UBAP1L: variants seen among roughly 807,000 people sequenced by gnomAD.
UBAP1L encodes the protein ubiquitin-associated protein 1-like.
Under a neutral mutation model 32.1 loss-of-function variants are expected in UBAP1L, and 32 were observed. That is an observed-to-expected ratio of 1.00 (90% CI 0.75 to 1.34). The LOEUF is 1.34. Among genes scored for constraint, UBAP1L ranks in the 40% most tolerant of loss-of-function variants. The probability of loss-of-function intolerance (pLI) is 0.00; values close to 1 mark genes in which losing one functional copy is unlikely to be tolerated. For synonymous variants in UBAP1L, 243 were observed against 250.2 expected, an observed-to-expected ratio of 0.97 and a Z score of 0.27; for missense variants, 516 against 540.5, an observed-to-expected ratio of 0.95 and a Z score of 0.45.
At chr15:65,110,233 C>T (rs1405411903) in intron 1 of UBAP1L, among the ~76,000 whole-genome samples, 1 of 151,582 alleles carries the variant, frequency 6.6e-6, no homozygotes, top group Admixed American at 6.6e-5. Context: ...GTGGTGCGTG[C>T]CTGTAGTCCC....
chr15:65,094,412 G>C lies in UBAP1L; in HGVS notation c.1011+63C>G. ...GAGGACTGGTGTGGCCCTGCACACC[G>C]GGCTCCTGGGTACACCCCCATCCCT... is the stretch of plus-strand genomic sequence containing the variant. On this transcript the variant is annotated intron_variant, in intron 5 of 5. Transcript: ENST00000559089. This position sits in a 1 kb window ranked among gnomAD's most constrained non-coding sequence, Gnocchi z 4.2. The C allele has an allele frequency of 1.6e-6, 2 of 1,240,860 alleles. No individual in the cohort carries two copies. The highest frequency in any genetic ancestry group is 2.8e-5 in the South Asian group (2 of 70,504). The allele number at this position is 1,240,860 out of a possible 1,614,324, so 76.9% of individuals were successfully genotyped here.
rs2087156978 is a variant in UBAP1L at position 65,094,845 on chromosome 15, G to A, written c.910-269C>T. ...GAAAAGGGCTGTCAGGGTGGGCTAGGGTGTTCATAGAACCTAGGTGGGGAG... is the reference window on the plus strand; with the variant it reads ...GAAAAGGGCTGTCAGGGTGGGCTAGAGTGTTCATAGAACCTAGGTGGGGAG... On this transcript the variant is annotated intron_variant, in intron 4 of 5. Transcript: ENST00000559089. This position sits in a 1 kb window ranked among gnomAD's most constrained non-coding sequence, Gnocchi z 4.2. The A allele has an allele frequency of 1.9e-6, 1 of 513,216 alleles. No individual in the cohort carries two copies. The highest frequency in any genetic ancestry group is 1.9e-5 in the African/African-American group (1 of 51,932). 31.8% of individuals were successfully genotyped at this position (513,216 alleles called of 1,614,324 possible).
At position 65,094,439 on chromosome 15, in the gene UBAP1L, C is replaced by T; in HGVS notation, c.1011+36G>A. 6.7e-7 allele frequency: 1 copy of T among 1,487,236 alleles called. No individual in the cohort carries two copies. The highest frequency in any genetic ancestry group is 2.5e-5 in the East Asian group (1 of 40,592). The allele number at this position is 1,487,236 out of a possible 1,614,324, so 92.1% of individuals were successfully genotyped here. On this transcript the variant is annotated intron_variant, in intron 5 of 5. Coordinates refer to ENST00000559089, the MANE Select transcript of UBAP1L (RefSeq NM_001163692.2). The surrounding 1 kb of genome is among the most constrained non-coding windows in gnomAD (Gnocchi z 4.2). ...GCTCCTGGGTACACCCCCATCCCTT[C>T]CATCCCCTGGGGCCCTGGCAGGAAG...
At chr15:65,112,653 T>C (rs1376836759) in intron 1 of UBAP1L, among the ~76,000 whole-genome samples, 1 of 152,150 alleles carries the variant, frequency 6.6e-6, no homozygotes, top group Non-Finnish European at 1.5e-5. Flanking sequence ...TACCTGCCAA[T>C]GATTCACAAA....
In UBAP1L at chr15:65,102,120, T is replaced by A. The variant is rs2087246212; in HGVS notation, c.685A>T (p.Lys229Ter). The change falls in exon 3 of 6, where the codon AAG becomes TAG. Residue 229 changes from lysine (K) to a stop codon, truncating the protein, a stop_gained. Transcript: ENST00000559089. LOFTEE classifies it high-confidence loss of function. The surrounding 1 kb of genome is among the most constrained non-coding windows in gnomAD (Gnocchi z 5.0). ...AGAIPPLRSHKPTVASLSPYT... is the reference protein window; with the variant it reads ...AGAIPPLRSH ...AGAATCCTTACCGCGACCGTAGGCTTGTGGCTCCGCAGCGGGGGGATGGCG... is the reference window on the plus strand; with the variant it reads ...AGAATCCTTACCGCGACCGTAGGCTAGTGGCTCCGCAGCGGGGGGATGGCG... 41 of 1,199,820 alleles carry A rather than the reference T, an allele frequency of 3.4e-5. No individual in the cohort carries two copies. Among genetic ancestry groups the A allele is most frequent in the Non-Finnish European group, 4.1e-5 (40 of 966,224 alleles). The allele number at this position is 1,199,820 out of a possible 1,614,324, so 74.3% of individuals were successfully genotyped here. A position where few individuals can be genotyped will look rare whatever the true frequency, so the allele number is the denominator to read the frequency against.
chr15:65,102,005 G>C lies in UBAP1L; in HGVS notation c.699+101C>G, dbSNP rs894832811. The stretch of plus-strand genomic sequence containing the variant: ...GCAGGTCAAGGGAGGATGCAGGAGC[G>C]CGTGGAGTAGGGGACCGAGGCTGCG... On this transcript the variant is annotated intron_variant, in intron 3 of 5. Coordinates refer to ENST00000559089, the MANE Select transcript of UBAP1L (RefSeq NM_001163692.2). The surrounding 1 kb of genome is among the most constrained non-coding windows in gnomAD (Gnocchi z 5.0). 4.8e-6 allele frequency: 2 copies of C among 419,062 alleles called. No homozygotes were observed. The highest frequency in any genetic ancestry group is 7.7e-6 in the Non-Finnish European group (2 of 261,102). The allele number at this position is 419,062 out of a possible 1,614,324, so 26.0% of individuals were successfully genotyped here. A position where few individuals can be genotyped will look rare whatever the true frequency, so the allele number is the denominator to read the frequency against.
At position 65,099,689 on chromosome 15, in the gene UBAP1L, G is replaced by A. The variant is rs1461022522; in HGVS notation, c.725C>T (p.Pro242Leu). The A allele has an allele frequency of 6.4e-7, 1 of 1,550,798 alleles. No individual in the cohort carries two copies. The highest frequency in any genetic ancestry group is 8.7e-7 in the Non-Finnish European group (1 of 1,146,556). Residue 242 changes from proline to leucine, a missense_variant, in exon 4 of 6, where the codon CCA becomes CTA. Physicochemically the swap from Pro to Leu is moderately conservative, Grantham distance 98. Transcript: ENST00000559089. ...AGGTTGGGGTGCCCCCCCAAGAGGT[G>A]GCAGACAGGTGTACGGGCTGAGGGA... ...VASLSPYTCLPPLGGAPQPLN... is the reference protein window; with the variant it reads ...VASLSPYTCLLPLGGAPQPLN...
At chr15:65,110,438 G>A (rs2087361119) in intron 1 of UBAP1L, among the ~76,000 whole-genome samples, 1 of 151,566 alleles carries the variant, frequency 6.6e-6, no homozygotes, top group Non-Finnish European at 1.5e-5. Flanking sequence ...AGCACTCTGG[G>A]AGGCCGAGGT....
intron 1 of UBAP1L, among the ~76,000 whole-genome samples, chr15:65,108,183 A>G (rs1249473181): frequency 1.3e-5 from 2 of 152,172 alleles, no homozygotes; most frequent in African/African-American, 4.8e-5. Context: ...ATATCCACAC[A>G]TGAATCTTTG....
chr15:65,102,397 G>A lies in UBAP1L; in HGVS notation c.408C>T (p.Pro136=), dbSNP rs1476113522. 3 of 1,429,746 alleles carry A rather than the reference G, an allele frequency of 2.1e-6. No homozygotes were observed. Among genetic ancestry groups the A allele is most frequent in the Non-Finnish European group, 2.7e-6 (3 of 1,098,254 alleles). 88.6% of individuals were successfully genotyped at this position (1,429,746 alleles called of 1,614,324 possible). A position where few individuals can be genotyped will look rare whatever the true frequency, so the allele number is the denominator to read the frequency against. Reference sequence around the variant, plus strand: ...GCGAGCACAGGCGACGGCCGGGGCCGGGGCTCGCCGGGGAGCCCGGTTGGA... The same window carrying A: ...GCGAGCACAGGCGACGGCCGGGGCCAGGGCTCGCCGGGGAGCCCGGTTGGA... ...SSLQPGSPAS[P]GPGRRLCSLD... Residue 136 remains proline (P), a synonymous_variant, in exon 3 of 6, where the codon CCC becomes CCT. Transcript: ENST00000559089. This position sits in a 1 kb window ranked among gnomAD's most constrained non-coding sequence, Gnocchi z 5.0.
intron 1 of UBAP1L, among the ~76,000 whole-genome samples, chr15:65,112,121 T>C (rs1349027828): frequency 6.6e-6 from 1 of 152,104 alleles, no homozygotes; most frequent in Non-Finnish European, 1.5e-5. Context: ...CTTATGGGCA[T>C]TGGAGAAGCT....
rs952697311 is a variant in UBAP1L at position 65,107,359 on chromosome 15, G to GA, written c.-173-972dup. Among the ~76,000 whole-genome samples, 243 of 143,716 alleles carry GA rather than the reference G, an allele frequency of 1.7e-3. No homozygotes were observed. The Middle Eastern group carries it at 0.026, about 15-fold the overall frequency. 94.3% of individuals were successfully genotyped at this position (143,716 alleles called of 152,430 possible). A position where few individuals can be genotyped will look rare whatever the true frequency, so the allele number is the denominator to read the frequency against. On this transcript the variant is annotated intron_variant, in intron 1 of 5. Transcript: ENST00000559089. ...AAAAAAAAAAAGAAGAAAGAAAAAGGAAAAAAAAAAGGAATTACATCTCTC... is the reference window on the plus strand; with the variant it reads ...AAAAAAAAAAAGAAGAAAGAAAAAGGAAAAAAAAAAAGGAATTACATCTCTC...
rs1216459475 is a variant in UBAP1L at position 65,092,792 on chromosome 15, A to G, written c.*305T>C. On this transcript the variant is annotated 3_prime_UTR_variant, in exon 6 of 6. Coordinates refer to ENST00000559089, the MANE Select transcript of UBAP1L (RefSeq NM_001163692.2). The stretch of plus-strand genomic sequence containing the variant: ...AACTGCCCATTATTTATTTGTTTTA[A>G]TTTTCTTAAAATCAAGGTTACTAAT... 6.3e-6 allele frequency: 2 copies of G among 319,360 alleles called. No homozygotes were observed. Among genetic ancestry groups the G allele is most frequent in the African/African-American group, 2.2e-5 (1 of 45,760 alleles). 19.8% of individuals were successfully genotyped at this position (319,360 alleles called of 1,614,324 possible). A position where few individuals can be genotyped will look rare whatever the true frequency, so the allele number is the denominator to read the frequency against.
intron 2 of UBAP1L, among the ~76,000 whole-genome samples, chr15:65,104,225 G>T (rs766674966): frequency 2.0e-5 from 3 of 151,810 alleles, no homozygotes; most frequent in Non-Finnish European, 4.4e-5. Context: ...GCACACTCCA[G>T]CCTGGGCGAC....
rs962005533 is a variant in UBAP1L, at chr15:65,102,689, G to C, written c.121-5C>G. ...CCTCTCCAGGCTGAAGTCGTGCTGC[G>C]GAAAGAAGGCGACGTAAAGCCCAGG... is the stretch of plus-strand genomic sequence containing the variant. On this transcript the variant is annotated splice_polypyrimidine_tract_variant and splice_region_variant and intron_variant, in intron 2 of 5. Transcript: ENST00000559089. The surrounding 1 kb of genome is among the most constrained non-coding windows in gnomAD (Gnocchi z 5.0). 2 of 1,545,084 alleles carry C rather than the reference G, an allele frequency of 1.3e-6. No homozygotes were observed. Among genetic ancestry groups the C allele is most frequent in the African/African-American group, 2.7e-5 (2 of 72,894 alleles).
In UBAP1L at chr15:65,102,822, C is replaced by T; in HGVS notation, c.121-138G>A. ...CGTCAGATTCTGAGCCCCGGGCTTC[C>T]ATCACAGCCCACTCTACCCTGGGTT... On this transcript the variant is annotated intron_variant, in intron 2 of 5. Coordinates refer to ENST00000559089, the MANE Select transcript of UBAP1L (RefSeq NM_001163692.2). This position sits in a 1 kb window ranked among gnomAD's most constrained non-coding sequence, Gnocchi z 5.0. 1 of 747,962 alleles carries T rather than the reference C, an allele frequency of 1.3e-6. No homozygotes were observed. Among genetic ancestry groups the T allele is most frequent in the South Asian group, 1.9e-5 (1 of 51,322 alleles). 46.3% of individuals were successfully genotyped at this position (747,962 alleles called of 1,614,324 possible). A position where few individuals can be genotyped will look rare whatever the true frequency, so the allele number is the denominator to read the frequency against.
In UBAP1L at chr15:65,099,658, G is replaced by T; in HGVS notation, c.756C>A (p.Asn252Lys). The part of the protein sequence containing the change: ...PPLGGAPQPL[N>K]PHKSHPDTAA... ...CAGTATCAGGGTGTGACTTGTGGGG[G>T]TTGAGAGGTTGGGGTGCCCCCCCAA... The change falls in exon 4 of 6, where the codon AAC becomes AAA. Residue 252 changes from asparagine (N) to lysine (K), a missense_variant. Physicochemically the swap from Asn to Lys is moderately conservative, Grantham distance 94. Transcript: ENST00000559089. 2 of 1,551,572 alleles carry T rather than the reference G, an allele frequency of 1.3e-6. No individual in the cohort carries two copies. Among genetic ancestry groups the T allele is most frequent in the Non-Finnish European group, 1.7e-6 (2 of 1,146,936 alleles).
Position 65,099,616 on chromosome 15 carries a change from G to A in UBAP1L, c.798C>T (p.Ser266=), listed in dbSNP as rs905275897. 21 of 1,551,528 alleles carry A rather than the reference G, an allele frequency of 1.4e-5. No individual in the cohort carries two copies. The highest frequency in any genetic ancestry group is 3.3e-4 in the Middle Eastern group (2 of 6,012). ...GGTCTTGCTCCTCCTGGCTCAGGGC[G>A]GACAGCAGGTCAGCCGCAGTATCAG... ...SHPDTAADLL[S]ALSQEEQDLI... is the part of the protein sequence containing the mutation. Residue 266 remains serine (S), a synonymous_variant, in exon 4 of 6, where the codon TCC becomes TCT. Coordinates refer to ENST00000559089, the MANE Select transcript of UBAP1L (RefSeq NM_001163692.2).
chr15:65,109,311 G>A (rs150621530), intron 1 of UBAP1L, among the ~76,000 whole-genome samples: 2,549 of 151,270 alleles, frequency 0.017, 33 homozygotes, highest in Non-Finnish European at 0.023. Context: ...GTGAAACCCC[G>A]TCTCTACTAA....
Sources: gnomAD v4.1 joint callset for allele counts (sites outside exome capture counted in the v4.1 genomes callset) on GRCh38, gnomAD v4.1.1 for gene constraint, Gnocchi (gnomAD v3.1) non-coding constraint, MANE v1.5 for transcripts, NCBI Gene and HGNC (gene_info 2026-07-23, HGNC 2026-07-21) for gene names.